AGAP4: variants seen among roughly 807,000 people sequenced by gnomAD.
AGAP4 encodes the protein ArfGAP with GTPase domain, ankyrin repeat and PH domain 4.
A neutral mutation model predicts 60.7 loss-of-function variants in AGAP4; 13 were observed. The ratio of observed to expected loss-of-function variants is 0.21; its 90% CI spans 0.14 to 0.34. The LOEUF (loss-of-function observed/expected upper bound fraction) is 0.34. AGAP4 is among the 10% of genes least tolerant of loss of function. AGAP4 has a pLI of 1.00. For missense variants in AGAP4, 169 were observed against 884.0 expected (o/e 0.19, Z 10.26); for synonymous variants, 70 against 339.0 (o/e 0.21, Z 8.72).
intron 2 of AGAP4, 119 bp from the exon 3 acceptor site, chr10:45,844,513 T>C (rs2058970098): frequency 1.4e-5 from 21 of 1,504,072 alleles, no homozygotes; most frequent in South Asian, 1.2e-4. Flanking sequence ...TTCTTATCCA[T>C]TGAAATGAAT....
At chr10:45,850,043 C>T (rs2059064301), upstream of AGAP4, among the ~76,000 whole-genome samples, 2 of 151,510 alleles carry the variant, frequency 1.3e-5, no homozygotes, top group African/African-American at 4.9e-5. Context: ...CATTCAAGTG[C>T]CTAAGCCTCC....
At chr10:45,829,639 C>A (rs2058699434) in intron 6 of AGAP4, among the ~76,000 whole-genome samples, 1 of 152,236 alleles carries the variant, frequency 6.6e-6, no homozygotes, top group African/African-American at 2.4e-5. Flanking sequence ...ATTGCTTGAG[C>A]TGAGATCATG....
At chr10:45,841,816 T>C in intron 3 of AGAP4, 129 bp from the exon 4 acceptor site, 1 of 1,080,598 alleles carries the variant, frequency 9.3e-7, no homozygotes, top group Non-Finnish European at 1.3e-6. Flanking sequence ...AAATTTTCAA[T>C]AACATATAAT....
upstream of AGAP4, chr10:45,853,912 T>G (rs2059111613): frequency 8.4e-7 from 1 of 1,186,054 alleles, no homozygotes; most frequent in East Asian, 5.9e-5. Flanking sequence ...CAGGCAGCAG[T>G]AGTTGTTATC....
chr10:45,844,627 A>C lies in AGAP4; in HGVS notation c.293-233T>G, dbSNP rs1382772503. The C allele has an allele frequency of 8.8e-5, 36 of 409,496 alleles. No homozygotes were observed. The South Asian group carries it at 1.3e-3, about 15-fold the overall frequency. The allele number at this position is 409,496 out of a possible 1,614,324, so 25.4% of individuals were successfully genotyped here. A position where few individuals can be genotyped will look rare whatever the true frequency, so the allele number is the denominator to read the frequency against. On this transcript the variant is annotated intron_variant, in intron 2 of 7. Coordinates refer to ENST00000616763, the MANE Select transcript of AGAP4 (RefSeq NM_001276343.3). ...CACTTGAACCCAGGTCAGGAAGTTG[A>C]GGCCAGCATGAGTAACATAATGACA...
chr10:45,841,765 A>G (rs1247362731), intron 3 of AGAP4, 78 bp from the exon 4 acceptor site: 10 of 994,888 alleles, frequency 1.0e-5, no homozygotes, highest in Middle Eastern at 3.4e-4. Context: ...CATCTTACTG[A>G]TTACTCCTAT....
chr10:45,852,074 A>G (rs2059089876), upstream of AGAP4, among the ~76,000 whole-genome samples: 1 of 149,976 alleles, frequency 6.7e-6, no homozygotes. Flanking sequence ...TACCATGTCC[A>G]GCTAATTTTT....
intron 6 of AGAP4, among the ~76,000 whole-genome samples, chr10:45,830,441 G>A (rs1226631663): frequency 8.1e-6 from 1 of 123,638 alleles, no homozygotes; most frequent in East Asian, 2.3e-4. Flanking sequence ...CAAAATGCTG[G>A]GATTACAGGT....
At chr10:45,854,633 C>CAAAAAAAAAAA (rs1159986731), upstream of AGAP4, 8 of 66,268 alleles carry the variant, frequency 1.2e-4, no homozygotes, top group South Asian at 5.5e-4. Context: ...GACTCCCTCT[C>CAAAAAAAAAAA]AAAAAAAAAA....
upstream of AGAP4, chr10:45,848,069 T>A: frequency 1.1e-5 from 11 of 992,098 alleles, no homozygotes; most frequent in Non-Finnish European, 1.3e-5. Flanking sequence ...TTTTATTTGC[T>A]GACTAAATAT....
At chr10:45,846,277 A>C (rs1554899456) in intron 2 of AGAP4, among the ~76,000 whole-genome samples, 1 of 150,864 alleles carries the variant, frequency 6.6e-6, no homozygotes, top group Non-Finnish European at 1.5e-5. Flanking sequence ...GTGACATTTC[A>C]CACCTTTCAC....
At chr10:45,829,331 CTTTT>C (rs1342795180) in intron 6 of AGAP4, among the ~76,000 whole-genome samples, 2 of 134,136 alleles carry the variant, frequency 1.5e-5, no homozygotes, top group East Asian at 2.1e-4. Context: ...ACCAGAAGCG[CTTTT>C]TTTTTTTTTG....
chr10:45,844,599 A>C, intron 2 of AGAP4: 1 of 540,370 alleles, frequency 1.9e-6, no homozygotes, highest in South Asian at 2.8e-5. Context: ...GAGATGGGAA[A>C]ATCACTTGAA....
intron 1 of AGAP4, 48 bp from the exon 2 acceptor site, chr10:45,846,803 A>C (rs2059006479): frequency 1.4e-6 from 1 of 695,330 alleles, no homozygotes; most frequent in Admixed American, 2.9e-5. Context: ...CATTTATAAA[A>C]ATTTATCAAC....
chr10:45,844,974 T>C (rs1425052512), intron 2 of AGAP4, among the ~76,000 whole-genome samples: 7 of 113,572 alleles, frequency 6.2e-5, no homozygotes, highest in Admixed American at 5.9e-4. Context: ...GCCTTATTTG[T>C]ATTGGAAAGG....
At chr10:45,832,566 G>C (rs1466583767) in intron 5 of AGAP4, among the ~76,000 whole-genome samples, 1 of 144,924 alleles carries the variant, frequency 6.9e-6, no homozygotes, top group African/African-American at 2.6e-5. Flanking sequence ...AGTTTGGAAT[G>C]ATTGAGTTGG....
intron 6 of AGAP4, among the ~76,000 whole-genome samples, chr10:45,829,881 C>A (rs1442059423): frequency 1.3e-5 from 2 of 150,102 alleles, no homozygotes; most frequent in African/African-American, 4.9e-5. Flanking sequence ...GGTGGTTAAA[C>A]TAAAAGTGAT....
upstream of AGAP4, among the ~76,000 whole-genome samples, chr10:45,849,473 GATT>G (rs782154006): frequency 0.013 from 1,954 of 145,006 alleles, 33 homozygotes; most frequent in African/African-American, 0.046. Flanking sequence ...TGATGATGAT[GATT>G]ATTATTATTA....
chr10:45,853,310 AAT>A (rs2059106326), intron 1 of AGAP4, among the ~76,000 whole-genome samples: 1 of 151,214 alleles, frequency 6.6e-6, no homozygotes, highest in African/African-American at 2.4e-5. Flanking sequence ...AGAAGCGAAT[AAT>A]AGTCTTCCAC....
Sources: allele counts gnomAD v4.1 joint callset (sites outside exome capture counted in the v4.1 genomes callset), GRCh38; gene constraint gnomAD v4.1.1; transcripts MANE v1.5; gene names NCBI Gene and HGNC (gene_info 2026-07-23, HGNC 2026-07-21).